FBXL4: variants seen among roughly 807,000 people sequenced by gnomAD.
The protein encoded by FBXL4 is F-box/LRR-repeat protein 4.
Under a neutral mutation model 58.9 loss-of-function variants are expected in FBXL4, and 40 were observed. That is an observed-to-expected ratio of 0.68 (90% confidence interval 0.53 to 0.88). The LOEUF (loss-of-function observed/expected upper bound fraction) is 0.88, where lower values mean the gene tolerates loss of function less well. FBXL4 is among the 40% of genes least tolerant of loss of function. The pLI, the probability that FBXL4 is intolerant of heterozygous loss-of-function variation, is 0.00. For missense variants in FBXL4, 676 were observed against 734.4 expected (o/e 0.92, Z 0.92); for synonymous variants, 263 against 265.5 (o/e 0.99, Z 0.09).
intron 4 of FBXL4, among the ~76,000 whole-genome samples, chr6:98,919,401 C>G (rs1452067106): frequency 6.6e-6 from 1 of 152,132 alleles, no homozygotes; most frequent in African/African-American, 2.4e-5. Context: ...ACATAAACAG[C>G]CTGTGAGTAT....
intron 5 of FBXL4, among the ~76,000 whole-genome samples, chr6:98,916,365 C>T (rs1210369451): frequency 1.3e-5 from 2 of 152,176 alleles, no homozygotes; most frequent in Non-Finnish European, 2.9e-5. Flanking sequence ...GACACATGCA[C>T]ACGTATGTTT....
At chr6:98,886,009 CCT>C (rs1480851930) in intron 7 of FBXL4, among the ~76,000 whole-genome samples, 2 of 152,046 alleles carry the variant, frequency 1.3e-5, no homozygotes, top group Admixed American at 6.6e-5. Flanking sequence ...GCAACATCCC[CCT>C]GAGTTTGGAG....
intron 7 of FBXL4, chr6:98,898,580 G>A (rs1218405743): frequency 1.1e-6 from 1 of 945,720 alleles, no homozygotes. Flanking sequence ...ACTCCAGCCT[G>A]GGCAACAGAG....
At chr6:98,926,357 T>A (rs1772778643) in intron 4 of FBXL4, 120 bp downstream of exon 4, 2 of 1,119,558 alleles carry the variant, frequency 1.8e-6, no homozygotes, top group Non-Finnish European at 2.5e-6. Flanking sequence ...CTAAGGAAAA[T>A]TTTCAAAATC....
rs552440857 is a variant in FBXL4 at position 98,895,079 on chromosome 6, C to G, written c.1317+4189G>C. 3.9e-5 allele frequency among the ~76,000 whole-genome samples: 6 copies of G among 152,284 alleles called. 1 individual carries two copies. The highest frequency in any genetic ancestry group is 1.4e-4 in the African/African-American group (6 of 41,558). ...TAAGAATACATCACCTAGCTATCAA[C>G]AACACATCATTTTACATGTCAAAAT... On this transcript the variant is annotated intron_variant, in intron 7 of 9. Transcript: ENST00000369244.
intron 5 of FBXL4, among the ~76,000 whole-genome samples, chr6:98,915,006 G>A (rs1195239353): frequency 6.6e-6 from 1 of 152,160 alleles, no homozygotes; most frequent in African/African-American, 2.4e-5. Context: ...AAAATCACAA[G>A]CATTCTTATA....
intron 7 of FBXL4, among the ~76,000 whole-genome samples, chr6:98,885,433 T>C (rs1212245076): frequency 6.6e-6 from 1 of 151,222 alleles, no homozygotes; most frequent in African/African-American, 2.5e-5. Flanking sequence ...TGTTTTTGGA[T>C]GAGATTAACA....
chr6:98,877,573 C>CTA (rs1420690864), intron 8 of FBXL4, among the ~76,000 whole-genome samples: 1 of 152,162 alleles, frequency 6.6e-6, no homozygotes, highest in Non-Finnish European at 1.5e-5. Context: ...CCTTTATTAA[C>CTA]TATAATTCCT....
At chr6:98,902,618 AGAG>A (rs779457575) in intron 6 of FBXL4, among the ~76,000 whole-genome samples, 1 of 152,220 alleles carries the variant, frequency 6.6e-6, no homozygotes, top group Non-Finnish European at 1.5e-5. Flanking sequence ...AGAACAAGTA[AGAG>A]GAGTTTAGAG....
At chr6:98,942,170 T>C (rs941199808) in intron 1 of FBXL4, among the ~76,000 whole-genome samples, 17 of 151,898 alleles carry the variant, frequency 1.1e-4, no homozygotes, top group Non-Finnish European at 1.9e-4. Context: ...TAACTCTTCC[T>C]GAAACTATTA....
intron 4 of FBXL4, among the ~76,000 whole-genome samples, chr6:98,919,808 T>C (rs1397211375): frequency 1.3e-5 from 2 of 152,154 alleles, no homozygotes; most frequent in Admixed American, 6.6e-5. Flanking sequence ...ACAGAGTAAA[T>C]TATAGAATAC....
chr6:98,915,758 G>A (rs986336269), intron 5 of FBXL4, among the ~76,000 whole-genome samples: 2 of 152,068 alleles, frequency 1.3e-5, no homozygotes, highest in African/African-American at 4.8e-5. Flanking sequence ...ACATAGACAT[G>A]GGAAAGGACT....
intron 9 of FBXL4, chr6:98,875,124 G>A (rs529820707): frequency 7.6e-6 from 2 of 262,106 alleles, no homozygotes; most frequent in South Asian, 3.6e-5. Context: ...AATAGAGAGC[G>A]CAGCTCATGT....
chr6:98,898,682 A>T, intron 7 of FBXL4: 1 of 985,180 alleles, frequency 1.0e-6, no homozygotes, highest in Non-Finnish European at 1.2e-6. Context: ...TGGAAAAACT[A>T]AATGTTGATC....
At chr6:98,914,062 A>C (rs372730969) in intron 5 of FBXL4, among the ~76,000 whole-genome samples, 2 of 152,182 alleles carry the variant, frequency 1.3e-5, no homozygotes, top group East Asian at 1.9e-4. Context: ...ACTAGAAAAT[A>C]TAGAAGAAAT....
chr6:98,908,357 T>C (rs571279230), intron 5 of FBXL4, among the ~76,000 whole-genome samples: 23 of 152,314 alleles, frequency 1.5e-4, no homozygotes, highest in African/African-American at 5.3e-4. Context: ...TCTTTCTATA[T>C]CTGCACATAC....
Position 98,934,415 on chromosome 6 carries a change from G to A in FBXL4, c.-191+347C>T, listed in dbSNP as rs1393828191. 2.0e-5 allele frequency among the ~76,000 whole-genome samples: 3 copies of A among 151,952 alleles called. No individual in the cohort carries two copies. The East Asian group carries it at 5.8e-4, about 29-fold the overall frequency. ...CTCCGTCTCAAAAAAAAAAAAGAGAGAGAGAGACAGAAGAGACAGGCCGTA... is the reference window on the plus strand; with the variant it reads ...CTCCGTCTCAAAAAAAAAAAAGAGAAAGAGAGACAGAAGAGACAGGCCGTA... On this transcript the variant is annotated intron_variant, in intron 2 of 9. Transcript: ENST00000369244.
intron 5 of FBXL4, among the ~76,000 whole-genome samples, chr6:98,916,652 G>A (rs1467941962): frequency 1.6e-4 from 24 of 151,278 alleles, no homozygotes; most frequent in Admixed American, 5.3e-4. Context: ...GGAACATCAC[G>A]CTCTGGGGAC....
intron 5 of FBXL4, among the ~76,000 whole-genome samples, chr6:98,910,870 C>T (rs1267417284): frequency 2.0e-5 from 3 of 152,140 alleles, no homozygotes; most frequent in East Asian, 1.9e-4. Context: ...CGAAGCAGGG[C>T]GAGGCATTGC....
Sources: gnomAD v4.1 joint callset for allele counts (sites outside exome capture counted in the v4.1 genomes callset) on GRCh38, gnomAD v4.1.1 for gene constraint, MANE v1.5 for transcripts, NCBI Gene and HGNC (gene_info 2026-07-23, HGNC 2026-07-21) for gene names.